MAPT: variants seen among roughly 807,000 people sequenced by gnomAD.
The protein encoded by MAPT is microtubule-associated protein tau.
A neutral mutation model predicts 67.9 loss-of-function variants in MAPT; 34 were observed. The ratio of observed to expected loss-of-function variants is 0.50; its 90% CI spans 0.38 to 0.67. The LOEUF (loss-of-function observed/expected upper bound fraction) is 0.67, where lower values mean the gene tolerates loss of function less well. Among genes scored for constraint, MAPT ranks in the 30% least tolerant of loss-of-function variants. The pLI is 0.00. For missense variants in MAPT, 881 were observed against 1,115.2 expected (o/e 0.79, Z 2.99); for synonymous variants, 456 against 464.5 (o/e 0.98, Z 0.23).
At chr17:46,006,862 G>A (rs1394571557) in intron 9 of MAPT, among the ~76,000 whole-genome samples, 1 of 151,840 alleles carries the variant, frequency 6.6e-6, no homozygotes, top group Non-Finnish European at 1.5e-5. Flanking sequence ...GGCGGAGCTT[G>A]CAGTGAGCCG....
intron 9 of MAPT, among the ~76,000 whole-genome samples, chr17:46,006,216 A>G (rs1286362059): frequency 2.0e-5 from 3 of 152,240 alleles, no homozygotes. Context: ...AAATGGATAA[A>G]GAAAATGTGG....
At chr17:45,972,265 G>T (rs2071780670) in intron 3 of MAPT, among the ~76,000 whole-genome samples, 1 of 152,166 alleles carries the variant, frequency 6.6e-6, no homozygotes, top group Admixed American at 6.5e-5. Flanking sequence ...TCTTTCTTCA[G>T]GGGCCAGTAG....
rs999368948 is a variant in MAPT, at chr17:45,982,823, G to A, written c.287-43G>A. On this transcript the variant is annotated intron_variant, in intron 4 of 12. Coordinates refer to ENST00000262410, the MANE Select transcript of MAPT (RefSeq NM_001377265.1). ...ATGCTCCCTCTCTTAAGCGATTAAT[G>A]CGCCCTTGCTAACCTTTTGCTATCG... The A allele has an allele frequency of 4.4e-6, 5 of 1,125,542 alleles. No homozygotes were observed. The African/African-American group carries it at 7.9e-5, about 18-fold the overall frequency. The allele number at this position is 1,125,542 out of a possible 1,614,324, so 69.7% of individuals were successfully genotyped here.
intron 1 of MAPT, among the ~76,000 whole-genome samples, chr17:45,922,537 A>C (rs1464451585): frequency 2.0e-5 from 3 of 150,808 alleles, no homozygotes; most frequent in Non-Finnish European, 4.4e-5. Context: ...CTTACAAGTC[A>C]GTTTTATATT....
chr17:45,929,596 G>A (rs1361961370), intron 1 of MAPT, among the ~76,000 whole-genome samples: 3 of 152,098 alleles, frequency 2.0e-5, no homozygotes, highest in Non-Finnish European at 4.4e-5. Context: ...GGTCATCATC[G>A]CCAGGCTTGT....
At chr17:45,901,914 CT>C (rs55738902) in intron 1 of MAPT, among the ~76,000 whole-genome samples, 39,161 of 131,970 alleles carry the variant, frequency 0.3, 5,499 homozygotes, top group Middle Eastern at 0.38. Context: ...AGGGATTTTA[CT>C]TTTTTTTTTT....
intron 1 of MAPT, among the ~76,000 whole-genome samples, chr17:45,948,830 C>A (rs938817670): frequency 6.6e-6 from 1 of 152,144 alleles, no homozygotes; most frequent in African/African-American, 2.4e-5. Flanking sequence ...CTGGAAAATT[C>A]CTGGTGGTGC....
chr17:46,012,635 G>A (rs2075892269), intron 10 of MAPT, among the ~76,000 whole-genome samples: 1 of 152,092 alleles, frequency 6.6e-6, no homozygotes, highest in African/African-American at 2.4e-5. Context: ...GCTGGACCCT[G>A]GAAGCTCTGC....
chr17:45,971,528 T>C lies in MAPT; in HGVS notation c.134-331T>C, dbSNP rs2071665304. Reference sequence around the variant, plus strand: ...AAGGTTCATGCGTAGCTCGGCTTTCTGGTATTTGCTGCCCGTTGACCAATG... The same window carrying C: ...AAGGTTCATGCGTAGCTCGGCTTTCCGGTATTTGCTGCCCGTTGACCAATG... On this transcript the variant is annotated intron_variant, in intron 2 of 12. Coordinates refer to ENST00000262410, the MANE Select transcript of MAPT (RefSeq NM_001377265.1). This position sits in a 1 kb window ranked among gnomAD's most constrained non-coding sequence, Gnocchi z 4.3. Among the ~76,000 whole-genome samples, 1 of 152,182 alleles carries C rather than the reference T, an allele frequency of 6.6e-6. No individual in the cohort carries two copies. Among genetic ancestry groups the C allele is most frequent in the Non-Finnish European group, 1.5e-5 (1 of 68,024 alleles).
At chr17:46,018,147 G>GAAA (rs34759303) in intron 11 of MAPT, among the ~76,000 whole-genome samples, 3 of 117,752 alleles carry the variant, frequency 2.5e-5, no homozygotes, top group Non-Finnish European at 3.8e-5. Context: ...TCTGTCTCAA[G>GAAA]AAAAAAAAAA....
chr17:45,941,928 A>G (rs887447373), intron 1 of MAPT, among the ~76,000 whole-genome samples: 7 of 151,926 alleles, frequency 4.6e-5, no homozygotes, highest in African/African-American at 1.7e-4. Flanking sequence ...CCTGATCCAA[A>G]TTCTGATATG....
Position 46,009,709 on chromosome 17 carries a change from C to T in MAPT, c.1999-601C>T, listed in dbSNP as rs1232528044. Among the ~76,000 whole-genome samples the T allele has an allele frequency of 4.6e-5, 7 of 152,300 alleles. No individual in the cohort carries two copies. In the East Asian group the frequency reaches 1.4e-3, roughly 29 times the overall value. On this transcript the variant is annotated intron_variant, in intron 9 of 12. Transcript: ENST00000262410. ...CGGGGTCAGGGCTTCTCAAACCTGG[C>T]TGTGTGTCAGAATCACCAGGGGAAC... is the stretch of plus-strand genomic sequence containing the variant.
At chr17:45,986,112 G>A (rs2073510710) in intron 5 of MAPT, among the ~76,000 whole-genome samples, 1 of 152,242 alleles carries the variant, frequency 6.6e-6, no homozygotes, top group Admixed American at 6.5e-5. Flanking sequence ...GATGAAGGCT[G>A]ATGTTGTCTG....
At chr17:45,916,362 C>T (rs560506403) in intron 1 of MAPT, among the ~76,000 whole-genome samples, 3 of 152,318 alleles carry the variant, frequency 2.0e-5, no homozygotes, top group Admixed American at 2.0e-4. Context: ...GAGCCTGCCC[C>T]GCTGTTTATT....
At chr17:45,960,777 A>T (rs2070305544) in intron 1 of MAPT, among the ~76,000 whole-genome samples, 1 of 147,608 alleles carries the variant, frequency 6.8e-6, no homozygotes, top group Non-Finnish European at 1.5e-5. Context: ...ACATAGTGAG[A>T]CCCCCGTCCC....
intron 1 of MAPT, among the ~76,000 whole-genome samples, chr17:45,934,138 G>A (rs2144747205): frequency 6.6e-6 from 1 of 152,158 alleles, no homozygotes; most frequent in Middle Eastern, 3.4e-3. Flanking sequence ...GAGGAGGGAG[G>A]ATCACTGGAG....
intron 1 of MAPT, among the ~76,000 whole-genome samples, chr17:45,944,459 G>T (rs1315792804): frequency 6.6e-6 from 1 of 152,182 alleles, no homozygotes; most frequent in Non-Finnish European, 1.5e-5. Flanking sequence ...GGGGGCGAGT[G>T]GCCTCTCTGT....
At chr17:45,972,589 G>A (rs889526810) in intron 3 of MAPT, among the ~76,000 whole-genome samples, 7 of 152,216 alleles carry the variant, frequency 4.6e-5, no homozygotes, top group Admixed American at 4.6e-4. Context: ...TTTACATGAA[G>A]AGGTTTACTT....
chr17:45,949,228 C>G (rs751616216), intron 1 of MAPT, among the ~76,000 whole-genome samples: 1 of 152,360 alleles, frequency 6.6e-6, no homozygotes, highest in South Asian at 2.1e-4. Flanking sequence ...GAGCCCGGGA[C>G]CTTCCTTGGC....
Sources: allele counts gnomAD v4.1 joint callset (sites outside exome capture counted in the v4.1 genomes callset), GRCh38; gene constraint gnomAD v4.1.1; non-coding constraint Gnocchi (gnomAD v3.1); transcripts MANE v1.5; gene names NCBI Gene and HGNC (gene_info 2026-07-23, HGNC 2026-07-21).